Variants in SHROOM3 observed in about 807,000 individuals in gnomAD.
SHROOM3 encodes the protein protein Shroom3.
SHROOM3 carries 47 observed loss-of-function variants against 138.6 expected under a neutral mutation model. That is an observed-to-expected ratio of 0.34 (90% CI 0.27 to 0.43). The LOEUF (loss-of-function observed/expected upper bound fraction) is 0.43, where lower values mean the gene tolerates loss of function less well. Among genes scored for constraint, SHROOM3 ranks in the 20% least tolerant of loss-of-function variants. The pLI is 1.00. For missense variants in SHROOM3, 2,491 were observed against 2,596.5 expected (o/e 0.96, Z 0.88); for synonymous variants, 1,062 against 1,063.3 (o/e 1.00, Z 0.02).
At chr4:76,613,745 T>A (rs948716786) in intron 2 of SHROOM3, among the ~76,000 whole-genome samples, 38 of 152,186 alleles carry the variant, frequency 2.5e-4, no homozygotes, top group African/African-American at 9.2e-4. Flanking sequence ...GGCTGGGGGA[T>A]AGCTGGTCAC....
intron 1 of SHROOM3, chr4:76,532,205 G>C (rs1218940574): frequency 6.6e-6 from 1 of 152,184 alleles, no homozygotes; most frequent in African/African-American, 2.4e-5. Context: ...ATGGTTTCCA[G>C]CTTCATCCAT....
At chr4:76,778,222 ATTTTTTTT>A (rs71212454) in intron 10 of SHROOM3, among the ~76,000 whole-genome samples, 1 of 139,952 alleles carries the variant, frequency 7.1e-6, no homozygotes, top group Admixed American at 7.2e-5. Context: ...TACCTTGATG[ATTTTTTTT>A]TTTTTTTTTG....
At chr4:76,537,843 A>G (rs1354708921) in intron 1 of SHROOM3, among the ~76,000 whole-genome samples, 4 of 152,174 alleles carry the variant, frequency 2.6e-5, no homozygotes, top group African/African-American at 7.2e-5. Flanking sequence ...TGAATATTCT[A>G]AAGGTGATTA....
intron 4 of SHROOM3, among the ~76,000 whole-genome samples, chr4:76,733,642 G>A (rs1720947908): frequency 6.6e-6 from 1 of 152,134 alleles, no homozygotes; most frequent in Non-Finnish European, 1.5e-5. Context: ...TGCCCCAGGT[G>A]TGTTTCTGAG....
chr4:76,728,884 C>T (rs986737599), intron 3 of SHROOM3, among the ~76,000 whole-genome samples: 9 of 151,196 alleles, frequency 6.0e-5, no homozygotes, highest in Admixed American at 2.0e-4. Flanking sequence ...CTGGGGAGCT[C>T]GGGGCAATAC....
chr4:76,511,333 G>A (rs1184452180), intron 1 of SHROOM3, among the ~76,000 whole-genome samples: 2 of 136,090 alleles, frequency 1.5e-5, no homozygotes, highest in Non-Finnish European at 3.1e-5. Flanking sequence ...TTTACACTAT[G>A]TTATAAAGTA....
chr4:76,611,291 CT>C (rs1307427115), intron 2 of SHROOM3, among the ~76,000 whole-genome samples: 1 of 148,504 alleles, frequency 6.7e-6, no homozygotes, highest in East Asian at 2.0e-4. Context: ...CGTTCTCATT[CT>C]GATTATTTAA....
intron 1 of SHROOM3, among the ~76,000 whole-genome samples, chr4:76,482,939 C>G (rs1579185053): frequency 6.6e-6 from 1 of 152,112 alleles, no homozygotes; most frequent in Non-Finnish European, 1.5e-5. Flanking sequence ...GGAAAACTGG[C>G]TAGCCATATG....
intron 1 of SHROOM3, among the ~76,000 whole-genome samples, chr4:76,488,179 GT>G (rs199640992): frequency 1.2e-4 from 18 of 151,888 alleles, no homozygotes; most frequent in East Asian, 3.9e-4. Flanking sequence ...ATTATAATTT[GT>G]TTTTTTTAAA....
chr4:76,588,252 T>G (rs1309203798), intron 2 of SHROOM3, among the ~76,000 whole-genome samples: 2 of 152,256 alleles, frequency 1.3e-5, no homozygotes, highest in East Asian at 1.9e-4. Flanking sequence ...CATTCATTAA[T>G]AACTATGATA....
At chr4:76,436,525 T>G (rs1730567966) in intron 1 of SHROOM3, among the ~76,000 whole-genome samples, 1 of 152,250 alleles carries the variant, frequency 6.6e-6, no homozygotes, top group African/African-American at 2.4e-5. Flanking sequence ...GATTAAAGAT[T>G]AATAACATGG....
chr4:76,638,113 A>G (rs1053931846), intron 2 of SHROOM3, among the ~76,000 whole-genome samples: 1 of 152,118 alleles, frequency 6.6e-6, no homozygotes, highest in African/African-American at 2.4e-5. Context: ...ACAGATAGAG[A>G]CTTCCATCTC....
At chr4:76,680,281 C>T (rs1207036406) in intron 2 of SHROOM3, among the ~76,000 whole-genome samples, 1 of 151,996 alleles carries the variant, frequency 6.6e-6, no homozygotes, top group African/African-American at 2.4e-5. Flanking sequence ...GCTGGGACTA[C>T]AGGCGCCCAC....
chr4:76,546,218 G>C (rs1051545423), intron 1 of SHROOM3, among the ~76,000 whole-genome samples: 30 of 152,276 alleles, frequency 2.0e-4, no homozygotes, highest in Admixed American at 8.5e-4. Flanking sequence ...AAGGGCCAGA[G>C]TTGGGATTAG....
chr4:76,735,026 A>G (rs182900164), intron 4 of SHROOM3, among the ~76,000 whole-genome samples: 3 of 152,290 alleles, frequency 2.0e-5, no homozygotes, highest in Admixed American at 6.5e-5. Context: ...TGAGATGGGA[A>G]TAAATTTCCT....
chr4:76,745,429 A>G (rs1721403614), intron 5 of SHROOM3, among the ~76,000 whole-genome samples: 1 of 152,356 alleles, frequency 6.6e-6, no homozygotes, highest in East Asian at 1.9e-4. Context: ...TCTGATGTGT[A>G]ACATAATCAC....
chr4:76,638,746 C>T (rs922808321), intron 2 of SHROOM3: 1 of 152,244 alleles, frequency 6.6e-6, no homozygotes, highest in East Asian at 1.9e-4. Context: ...AGGAATAAGG[C>T]AAGGTAGCTA....
At chr4:76,539,670 G>A (rs1290208162) in intron 1 of SHROOM3, among the ~76,000 whole-genome samples, 1 of 152,184 alleles carries the variant, frequency 6.6e-6, no homozygotes, top group African/African-American at 2.4e-5. Context: ...AAGGGAAACA[G>A]GCACAGAGAG....
intron 2 of SHROOM3, among the ~76,000 whole-genome samples, chr4:76,607,026 ATG>A (rs1003694689): frequency 4.0e-4 from 60 of 151,634 alleles, no homozygotes; most frequent in African/African-American, 1.3e-3. Flanking sequence ...ATTTATATGT[ATG>A]TGTGTGTGTG....
Sources: gnomAD v4.1 joint callset for allele counts (sites outside exome capture counted in the v4.1 genomes callset) on GRCh38, gnomAD v4.1.1 for gene constraint, MANE v1.5 for transcripts, NCBI Gene and HGNC (gene_info 2026-07-23, HGNC 2026-07-21) for gene names.